CAPS2: variants seen among roughly 807,000 people sequenced by gnomAD.
The protein encoded by CAPS2 is calcyphosine 2.
Under a neutral mutation model 86.5 loss-of-function variants are expected in CAPS2, and 98 were observed. The ratio of observed to expected loss-of-function variants is 1.13; its 90% CI spans 0.96 to 1.34. The LOEUF (loss-of-function observed/expected upper bound fraction) is 1.34. Ranked by LOEUF, CAPS2 falls within the 40% of genes most tolerant of loss-of-function variation. The probability of loss-of-function intolerance (pLI) is 0.00; values close to 1 mark genes in which losing one functional copy is unlikely to be tolerated. For missense variants in CAPS2, 729 were observed against 686.8 expected, an observed-to-expected ratio of 1.06 and a Z score of -0.69; for synonymous variants, 210 against 225.1, an observed-to-expected ratio of 0.93 and a Z score of 0.60.
At chr12:75,345,331 C>T (rs1300603979) in intron 1 of CAPS2, among the ~76,000 whole-genome samples, 2 of 151,990 alleles carry the variant, frequency 1.3e-5, no homozygotes, top group African/African-American at 4.8e-5. Context: ...ACCATTACTT[C>T]CTATAATTTT....
chr12:75,313,026 A>G (rs77636851), intron 6 of CAPS2, 111 bp from the exon 7 acceptor site: 21,311 of 561,996 alleles, frequency 0.038, 477 homozygotes, highest in East Asian at 0.055. Context: ...CGTCTTAGAT[A>G]TAGATGGAAA....
intron 1 of CAPS2, among the ~76,000 whole-genome samples, chr12:75,359,094 T>A (rs1407601566): frequency 6.7e-6 from 1 of 150,348 alleles, no homozygotes; most frequent in Admixed American, 6.7e-5. Flanking sequence ...CTAAAACAAA[T>A]AAGTTTAGCA....
rs1245414112 is a variant in CAPS2 at position 75,292,220 on chromosome 12, C to T, written c.1164-400G>A. 1.2e-4 allele frequency among the ~76,000 whole-genome samples: 18 copies of T among 152,006 alleles called. 1 individual carries two copies. The South Asian group carries it at 3.7e-3, about 31-fold the overall frequency. On this transcript the variant is annotated intron_variant, in intron 12 of 16. Transcript: ENST00000393284. ...TAGCTGGGACTACAGGCACCTGCCA[C>T]CACGCCCAGCTAATTTTTGTATTTT...
chr12:75,297,066 TTTTC>T (rs1228398840), intron 11 of CAPS2, among the ~76,000 whole-genome samples: 1 of 152,146 alleles, frequency 6.6e-6, no homozygotes, highest in Non-Finnish European at 1.5e-5. Flanking sequence ...TTCTTTCTTT[TTTTC>T]TTTCTTTCTT....
intron 1 of CAPS2, among the ~76,000 whole-genome samples, chr12:75,335,925 T>C (rs1004671452): frequency 2.4e-4 from 37 of 151,972 alleles, no homozygotes; most frequent in Non-Finnish European, 1.8e-4. Context: ...AAATGTATGA[T>C]AAAAAAGAGT....
At chr12:75,368,142 T>C (rs772782091) in intron 1 of CAPS2, among the ~76,000 whole-genome samples, 7 of 151,956 alleles carry the variant, frequency 4.6e-5, no homozygotes, top group Non-Finnish European at 1.0e-4. Context: ...GTAGCAGGAG[T>C]TAAGTGATGC....
At chr12:75,346,143 A>G (rs2042429746) in intron 1 of CAPS2, among the ~76,000 whole-genome samples, 1 of 152,228 alleles carries the variant, frequency 6.6e-6, no homozygotes, top group South Asian at 2.1e-4. Context: ...CACGATTCCA[A>G]AAGCCCCAAA....
downstream of CAPS2, chr12:75,276,403 A>G (rs1390337351): frequency 1.0e-6 from 1 of 981,006 alleles, no homozygotes; most frequent in Non-Finnish European, 1.2e-6. Context: ...CTTAAACTGG[A>G]AGTCAAAAGT....
intron 11 of CAPS2, chr12:75,295,031 G>T (rs1191004316): frequency 6.6e-6 from 1 of 152,132 alleles, no homozygotes. Context: ...TTTTGTAAAT[G>T]ATTCCCTTTA....
chr12:75,303,859 G>A lies in CAPS2; in HGVS notation c.779+898C>T, dbSNP rs4131731. 9.8e-3 allele frequency among the ~76,000 whole-genome samples: 1,493 copies of A among 152,284 alleles called. 62 individuals are homozygous for A. The highest frequency in any genetic ancestry group is 0.084 in the Admixed American group (1,281 of 15,302). ...AGAAATGTATCTATAGAAAAAGAGT[G>A]CCAGAGTGATGCAGCATAAGACCAG... On this transcript the variant is annotated intron_variant, in intron 8 of 16. Transcript: ENST00000393284.
At chr12:75,283,879 C>G (rs2034417915) in intron 15 of CAPS2, among the ~76,000 whole-genome samples, 1 of 152,086 alleles carries the variant, frequency 6.6e-6, no homozygotes, top group Admixed American at 6.5e-5. Flanking sequence ...TGTGAGGACA[C>G]AGAGAACAGG....
chr12:75,380,114 A>T (rs1248784810), intron 1 of CAPS2, among the ~76,000 whole-genome samples: 1 of 152,188 alleles, frequency 6.6e-6, no homozygotes, highest in Non-Finnish European at 1.5e-5. Context: ...AAATAAATTT[A>T]AAAATAAGTG....
At chr12:75,361,706 T>C (rs56242432) in intron 1 of CAPS2, among the ~76,000 whole-genome samples, 2,376 of 152,254 alleles carry the variant, frequency 0.016, 50 homozygotes, top group African/African-American at 0.055. Context: ...GAGGAACTTC[T>C]AAACACTTTT....
chr12:75,311,903 G>A (rs1057239092), intron 7 of CAPS2, among the ~76,000 whole-genome samples: 5 of 151,962 alleles, frequency 3.3e-5, no homozygotes, highest in Non-Finnish European at 7.4e-5. Context: ...AAGTTCATGA[G>A]ACAATGGAAG....
At chr12:75,329,885 C>T (rs2041141434), upstream of CAPS2, 1 of 1,543,804 alleles carries the variant, frequency 6.5e-7, no homozygotes, top group South Asian at 1.2e-5. Context: ...GATTCCTGGA[C>T]AGGACAGGCG....
At chr12:75,378,366 G>T (rs1162941090) in intron 1 of CAPS2, among the ~76,000 whole-genome samples, 1 of 152,150 alleles carries the variant, frequency 6.6e-6, no homozygotes, top group African/African-American at 2.4e-5. Flanking sequence ...ATCTGTCAGT[G>T]TTCTCCAGAG....
At chr12:75,358,309 T>C (rs2043288452) in intron 1 of CAPS2, among the ~76,000 whole-genome samples, 1 of 151,806 alleles carries the variant, frequency 6.6e-6, no homozygotes, top group African/African-American at 2.4e-5. Context: ...CTCACAAACA[T>C]AGGTACAAAA....
chr12:75,282,535 C>T (rs1294841466), intron 15 of CAPS2, among the ~76,000 whole-genome samples, 188 bp from the exon 16 acceptor site: 1 of 151,996 alleles, frequency 6.6e-6, no homozygotes, highest in Non-Finnish European at 1.5e-5. Flanking sequence ...TACAGGCGCC[C>T]GCCACCACAC....
At chr12:75,352,878 C>A (rs866849968) in intron 1 of CAPS2, among the ~76,000 whole-genome samples, 3 of 152,260 alleles carry the variant, frequency 2.0e-5, no homozygotes, top group African/African-American at 7.2e-5. Flanking sequence ...AATTGAGCAA[C>A]CTGCTCTTGA....
Sources: allele counts gnomAD v4.1 joint callset (sites outside exome capture counted in the v4.1 genomes callset), GRCh38; gene constraint gnomAD v4.1.1; transcripts MANE v1.5; gene names NCBI Gene and HGNC (gene_info 2026-07-23, HGNC 2026-07-21).